Variants in MED14 observed in about 807,000 individuals in gnomAD.
MED14 encodes the protein mediator of RNA polymerase II transcription subunit 14.
A neutral mutation model predicts 109.0 loss-of-function variants in MED14; 8 were observed. That is an observed-to-expected ratio of 0.07 (90% CI 0.04 to 0.13). The LOEUF (loss-of-function observed/expected upper bound fraction) is 0.13, where lower values mean the gene tolerates loss of function less well. MED14 is among the 10% of genes least tolerant of loss of function. The probability of loss-of-function intolerance (pLI) is 1.00; values close to 1 mark genes in which losing one functional copy is unlikely to be tolerated. For synonymous variants in MED14, 399 were observed against 408.7 expected, an observed-to-expected ratio of 0.98 and a Z score of 0.29; for missense variants, 711 against 1,142.4, an observed-to-expected ratio of 0.62 and a Z score of 5.44.
At chrX:40,735,101 AAC>A (rs1387908463) in intron 1 of MED14, 95 bp downstream of exon 1, 1 of 619,442 alleles carries the variant, frequency 1.6e-6, no homozygotes, top group East Asian at 4.5e-5. Flanking sequence ...TCCAGCGGAG[AAC>A]ACAGCAGCCT....
chrX:40,693,029 A>G, intron 13 of MED14, 127 bp from the exon 14 acceptor site: 1 of 481,436 alleles, frequency 2.1e-6, no homozygotes, highest in Non-Finnish European at 3.1e-6. Context: ...AAAAAGGTTA[A>G]ATCAATCGTA....
At chrX:40,711,412 G>T (rs1931332331) in intron 7 of MED14, 111 bp from the exon 8 acceptor site, 1 of 557,189 alleles carries the variant, frequency 1.8e-6, no homozygotes, top group Non-Finnish European at 2.7e-6. Context: ...AAAAATTTCT[G>T]AAGAAAATTT....
At chrX:40,717,632 C>T (rs1290788067) in intron 3 of MED14, among the ~76,000 whole-genome samples, 1 of 111,385 alleles carries the variant, frequency 9.0e-6, no homozygotes, top group Non-Finnish European at 1.9e-5. Context: ...AAGCAATTCT[C>T]CTGGCTCAGC....
chrX:40,716,804 T>C (rs146906497), intron 3 of MED14, among the ~76,000 whole-genome samples: 1,411 of 111,138 alleles, frequency 0.013, 22 homozygotes, highest in African/African-American at 0.043. Context: ...ACAGTACATA[T>C]ACACAATGGA....
At chrX:40,681,658 A>C (rs1232006533) in intron 19 of MED14, among the ~76,000 whole-genome samples, 194 bp downstream of exon 19, 1 of 111,949 alleles carries the variant, frequency 8.9e-6, no homozygotes, top group African/African-American at 3.2e-5. Flanking sequence ...ATAGGGTATT[A>C]TTTTTGTTTT....
At chrX:40,672,880 C>T (rs746556343) in intron 22 of MED14, among the ~76,000 whole-genome samples, 17 of 111,408 alleles carry the variant, frequency 1.5e-4, no homozygotes, top group African/African-American at 5.5e-4. Context: ...CAGAATGTAC[C>T]TTTATGTTTG....
intron 5 of MED14, among the ~76,000 whole-genome samples, chrX:40,713,312 A>G (rs184909781): frequency 2.3e-4 from 26 of 111,690 alleles, no homozygotes; most frequent in African/African-American, 5.9e-4. Context: ...CCCACTCCCA[A>G]GCTGCAAATA....
chrX:40,716,654 C>T (rs1188820833), intron 3 of MED14, among the ~76,000 whole-genome samples: 3 of 109,556 alleles, frequency 2.7e-5, no homozygotes, highest in African/African-American at 1.0e-4. Flanking sequence ...AATTCCACTG[C>T]TGAGTATATA....
chrX:40,650,033 AAT>A lies in MED14; in HGVS notation c.*1771_*1772del, dbSNP rs1056128104. The A allele has an allele frequency of 1.1e-4, 82 of 743,018 alleles. No individual in the cohort carries two copies. The highest frequency in any genetic ancestry group is 1.5e-3 in the Middle Eastern group (2 of 1,317). 61.2% of individuals were successfully genotyped at this position (743,018 alleles called of 1,213,427 possible). A position where few individuals can be genotyped will look rare whatever the true frequency, so the allele number is the denominator to read the frequency against. Reference sequence around the variant, plus strand: ...GAAACAATATTATCCTGCAGATAAAAATACATTTCTTGTATATACATGTAGAT... The same window carrying A: ...GAAACAATATTATCCTGCAGATAAAAACATTTCTTGTATATACATGTAGAT... On this transcript the variant is annotated 3_prime_UTR_variant, in exon 31 of 31. Coordinates refer to ENST00000324817, the MANE Select transcript of MED14 (RefSeq NM_004229.4).
chrX:40,698,061 G>A (rs1930786596), intron 12 of MED14, among the ~76,000 whole-genome samples: 1 of 112,254 alleles, frequency 8.9e-6, no homozygotes, highest in Non-Finnish European at 1.9e-5. Context: ...GGTTACTGAT[G>A]AAGGAATGAA....
At chrX:40,732,878 C>G (rs1602500456) in intron 1 of MED14, among the ~76,000 whole-genome samples, 1 of 109,464 alleles carries the variant, frequency 9.1e-6, no homozygotes, top group Non-Finnish European at 1.9e-5. Flanking sequence ...AAGGGACAAA[C>G]CAAAAGTGGT....
intron 11 of MED14, among the ~76,000 whole-genome samples, chrX:40,702,403 G>A (rs1010612895): frequency 3.0e-4 from 30 of 98,911 alleles, no homozygotes; most frequent in Non-Finnish European, 5.2e-4. Flanking sequence ...CTGGAGTGCA[G>A]TGGCGCGATC....
intron 3 of MED14, among the ~76,000 whole-genome samples, chrX:40,721,602 C>T (rs1931719383): frequency 8.9e-6 from 1 of 112,867 alleles, no homozygotes; most frequent in South Asian, 3.6e-4. Flanking sequence ...TGACTGGCTT[C>T]GCCACCTGCT....
intron 5 of MED14, among the ~76,000 whole-genome samples, chrX:40,713,407 C>T (rs1193791492): frequency 2.7e-5 from 3 of 112,085 alleles, no homozygotes; most frequent in Non-Finnish European, 3.8e-5. Flanking sequence ...TCAGTCAAAT[C>T]TTCATGATGC....
At chrX:40,701,299 T>TC (rs1433593628) in intron 11 of MED14, 56 bp from the exon 12 acceptor site, 2 of 750,386 alleles carry the variant, frequency 2.7e-6, no homozygotes, top group East Asian at 6.6e-5. Context: ...AAAATCTTTA[T>TC]CTAGGTAGTG....
Position 40,649,792 on chromosome X carries a change from T to C in MED14, c.*2014A>G, listed in dbSNP as rs1007618555. The C allele has an allele frequency of 2.5e-6, 2 of 807,470 alleles. No homozygotes were observed. The highest frequency in any genetic ancestry group is 3.0e-6 in the Non-Finnish European group (2 of 666,615). The allele number at this position is 807,470 out of a possible 1,213,427, so 66.5% of individuals were successfully genotyped here. A position where few individuals can be genotyped will look rare whatever the true frequency, so the allele number is the denominator to read the frequency against. On this transcript the variant is annotated 3_prime_UTR_variant, in exon 31 of 31. Transcript: ENST00000324817. ...CCAAGTACCAAGCATAATATAAAAA[T>C]TCAAATTCATGGGTTTACTCTTAAT...
intron 19 of MED14, 98 bp from the exon 20 acceptor site, chrX:40,681,008 C>A (rs1422303052): frequency 1.6e-6 from 1 of 606,341 alleles, no homozygotes; most frequent in Non-Finnish European, 2.5e-6. Context: ...CGCCAAAAAT[C>A]TAAATGGAAT....
intron 2 of MED14, among the ~76,000 whole-genome samples, chrX:40,728,378 C>T (rs1369764052): frequency 9.0e-6 from 1 of 111,480 alleles, no homozygotes; most frequent in Admixed American, 9.5e-5. Context: ...CGTTTTCCTC[C>T]TTTAATACTG....
intron 23 of MED14, among the ~76,000 whole-genome samples, chrX:40,670,417 A>G (rs1929678166): frequency 8.9e-6 from 1 of 112,761 alleles, no homozygotes; most frequent in Admixed American, 9.3e-5. Context: ...GGTCAATACA[A>G]ATTTCTCATA....
Sources: allele counts gnomAD v4.1 joint callset (sites outside exome capture counted in the v4.1 genomes callset), GRCh38; gene constraint gnomAD v4.1.1; transcripts MANE v1.5; gene names NCBI Gene and HGNC (gene_info 2026-07-23, HGNC 2026-07-21).